MGST2: variants seen among roughly 807,000 people sequenced by gnomAD.
The protein encoded by MGST2 is microsomal glutathione S-transferase 2, also known as glutathione peroxidase MGST2.
MGST2 carries 9 observed loss-of-function variants against 16.6 expected under a neutral mutation model. The observed-to-expected ratio is 0.54, with a 90% CI of 0.33 to 0.95. MGST2 has a LOEUF of 0.95. MGST2 is among the 40% of genes least tolerant of loss of function. The probability of loss-of-function intolerance (pLI) is 0.03; values close to 1 mark genes in which losing one functional copy is unlikely to be tolerated. For synonymous variants in MGST2, 79 were observed against 68.0 expected, an observed-to-expected ratio of 1.16 and a Z score of -0.79; for missense variants, 159 against 175.1, an observed-to-expected ratio of 0.91 and a Z score of 0.52.
At chr4:139,727,478 T>C (rs1728521625) in intron 5 of MGST2, among the ~76,000 whole-genome samples, 2 of 152,096 alleles carry the variant, frequency 1.3e-5, no homozygotes, top group African/African-American at 4.8e-5. Context: ...TATCCTGGAG[T>C]CAGGAATCAG....
At chr4:139,738,321 A>G (rs1019036729) in intron 5 of MGST2, among the ~76,000 whole-genome samples, 3 of 152,226 alleles carry the variant, frequency 2.0e-5, no homozygotes, top group Non-Finnish European at 4.4e-5. Flanking sequence ...AGGCGGGTGG[A>G]TCACCTGAGG....
intron 1 of MGST2, among the ~76,000 whole-genome samples, chr4:139,677,957 T>A (rs1469179437): frequency 1.3e-5 from 2 of 152,248 alleles, no homozygotes; most frequent in Admixed American, 1.3e-4. Context: ...GTTTGCCTGC[T>A]GGAGTTCTCA....
At chr4:139,674,245 T>G (rs9998395) in intron 1 of MGST2, among the ~76,000 whole-genome samples, 35,604 of 152,132 alleles carry the variant, frequency 0.23, 4,686 homozygotes, top group East Asian at 0.38. Flanking sequence ...TTATGTCAGA[T>G]GTACATTGGT....
At chr4:139,744,127 ACT>A (rs1322218611), downstream of MGST2, among the ~76,000 whole-genome samples, 25 of 152,248 alleles carry the variant, frequency 1.6e-4, no homozygotes, top group East Asian at 4.6e-3. Flanking sequence ...GGTCTGGAAT[ACT>A]CTGATTCACC....
intron 5 of MGST2, among the ~76,000 whole-genome samples, chr4:139,726,242 C>T (rs1292379342): frequency 1.3e-5 from 2 of 152,220 alleles, no homozygotes; most frequent in Non-Finnish European, 2.9e-5. Flanking sequence ...TTGTGAGATT[C>T]ATCCACGTGG....
At chr4:139,680,445 C>G (rs940376938) in intron 2 of MGST2, among the ~76,000 whole-genome samples, 3 of 152,102 alleles carry the variant, frequency 2.0e-5, no homozygotes, top group African/African-American at 7.2e-5. Flanking sequence ...ATTTTTCTGT[C>G]TTGGAGTCAT....
chr4:139,746,173 T>C, the MGST2 span, among the ~76,000 whole-genome samples: 3 of 152,252 alleles, frequency 2.0e-5, no homozygotes, highest in Admixed American at 2.0e-4. Flanking sequence ...GTCTTATTGC[T>C]AAATCTTGTT....
At chr4:139,708,995 G>A (rs775935267), downstream of MGST2, among the ~76,000 whole-genome samples, 12 of 46,860 alleles carry the variant, frequency 2.6e-4, no homozygotes, top group South Asian at 1.2e-3. Flanking sequence ...GCAAAACTCC[G>A]TCTCAAAAAA....
chr4:139,734,778 G>A (rs1388181787), intron 5 of MGST2, among the ~76,000 whole-genome samples: 3 of 152,270 alleles, frequency 2.0e-5, no homozygotes, highest in Non-Finnish European at 4.4e-5. Flanking sequence ...AACATGCATA[G>A]TGTTTGGGTG....
chr4:139,706,905 A>G (rs1036115652), downstream of MGST2, among the ~76,000 whole-genome samples: 9 of 152,214 alleles, frequency 5.9e-5, no homozygotes, highest in African/African-American at 2.2e-4. Flanking sequence ...CGGTTTGACA[A>G]TTACATGTAC....
At chr4:139,748,765 C>A in the MGST2 span, among the ~76,000 whole-genome samples, 1 of 116,266 alleles carries the variant, frequency 8.6e-6, no homozygotes, top group Non-Finnish European at 1.8e-5. Flanking sequence ...CAATTTCAAG[C>A]TCCGAGGTTT....
At chr4:139,708,640 A>G (rs1464249949), downstream of MGST2, among the ~76,000 whole-genome samples, 2 of 152,170 alleles carry the variant, frequency 1.3e-5, no homozygotes, top group Non-Finnish European at 2.9e-5. Context: ...TTGAATCTAT[A>G]AATTAGTCCT....
At chr4:139,744,115 G>C (rs1292553364), downstream of MGST2, among the ~76,000 whole-genome samples, 1 of 152,224 alleles carries the variant, frequency 6.6e-6, no homozygotes. Context: ...GGAACCTAGA[G>C]AGGTCTGGAA....
intron 2 of MGST2, among the ~76,000 whole-genome samples, chr4:139,688,120 A>T (rs1298779882): frequency 6.6e-6 from 1 of 152,186 alleles, no homozygotes; most frequent in Non-Finnish European, 1.5e-5. Context: ...GGAAGGGGAG[A>T]ATAGCTGCTG....
chr4:139,724,053 T>C (rs920319374), intron 5 of MGST2, among the ~76,000 whole-genome samples: 1 of 152,186 alleles, frequency 6.6e-6, no homozygotes, highest in Non-Finnish European at 1.5e-5. Flanking sequence ...AAGCTACCCA[T>C]GGCAAAATTA....
chr4:139,685,029 T>G (rs1731484368), intron 2 of MGST2: 1 of 152,322 alleles, frequency 6.6e-6, no homozygotes. Flanking sequence ...GCCCAATTCC[T>G]GAGCTTCTTT....
intron 5 of MGST2, chr4:139,725,839 G>A: frequency 6.2e-7 from 1 of 1,613,272 alleles, no homozygotes; most frequent in Non-Finnish European, 8.5e-7. Context: ...GCAACTGCTA[G>A]AACAACAGAA....
At chr4:139,721,090 C>A (rs1044341641) in intron 5 of MGST2, among the ~76,000 whole-genome samples, 2 of 152,238 alleles carry the variant, frequency 1.3e-5, no homozygotes, top group Admixed American at 6.5e-5. Context: ...TGCGACTTGG[C>A]CATAAACTTT....
intron 5 of MGST2, among the ~76,000 whole-genome samples, chr4:139,733,449 T>G (rs1387546670): frequency 1.3e-5 from 2 of 150,378 alleles, no homozygotes; most frequent in Non-Finnish European, 2.9e-5. Flanking sequence ...CAGCCTCCTC[T>G]CCACTGGGAA....
Sources: allele counts gnomAD v4.1 joint callset (sites outside exome capture counted in the v4.1 genomes callset), GRCh38; gene constraint gnomAD v4.1.1; transcripts MANE v1.5; gene names NCBI Gene and HGNC (gene_info 2026-07-23, HGNC 2026-07-21).